The following COL17A1 variants were observed in gnomAD, a reference collection of about 807,000 sequenced individuals.
The protein encoded by COL17A1 is collagen alpha-1(XVII) chain.
Under a neutral mutation model 218.4 loss-of-function variants are expected in COL17A1, and 181 were observed. The observed-to-expected ratio is 0.83, with a 90% CI of 0.73 to 0.94. COL17A1 has a LOEUF of 0.94. Among genes scored for constraint, COL17A1 ranks in the 40% least tolerant of loss-of-function variants. COL17A1 has a pLI of 0.00. For synonymous variants in COL17A1, 721 were observed against 731.0 expected (o/e 0.99, Z 0.22); for missense variants, 1,924 against 1,945.9 (o/e 0.99, Z 0.21).
chr10:104,041,369 C>A lies in COL17A1; in HGVS notation c.2606-25G>T, dbSNP rs770685896. 10 of 1,608,556 alleles carry A rather than the reference C, an allele frequency of 6.2e-6. No homozygotes were observed. In the East Asian group the frequency reaches 2.0e-4, roughly 32 times the overall value. The stretch of plus-strand genomic sequence containing the variant: ...CCTGCAGAAGAGAGCAAGGAAGAGG[C>A]CATGCTGAGCTCAGGGAGCTGATGC... On this transcript the variant is annotated intron_variant, in intron 37 of 55. Transcript: ENST00000648076.
chr10:104,058,133 G>C lies in COL17A1; in HGVS notation c.1267+13C>G. ...TGGATCCTGTCACTGCAGGGTTCGCGGTTCTCACCCACCTGCAGTGGTGGT... is the reference window on the plus strand; with the variant it reads ...TGGATCCTGTCACTGCAGGGTTCGCCGTTCTCACCCACCTGCAGTGGTGGT... On this transcript the variant is annotated intron_variant, in intron 16 of 55. Transcript: ENST00000648076. 6.2e-7 allele frequency: 1 copy of C among 1,613,968 alleles called. No homozygotes were observed. The highest frequency in any genetic ancestry group is 8.5e-7 in the Non-Finnish European group (1 of 1,179,938).
chr10:104,079,597 C>T (rs112810696), intron 2 of COL17A1, among the ~76,000 whole-genome samples: 6 of 152,278 alleles, frequency 3.9e-5, no homozygotes, highest in African/African-American at 1.2e-4. Flanking sequence ...CAAGAAGATG[C>T]GGTTATGGAC....
At chr10:104,032,549 C>T in intron 55 of COL17A1, 125 bp downstream of exon 55, 2 of 1,029,816 alleles carry the variant, frequency 1.9e-6, no homozygotes, top group Admixed American at 3.6e-5. Flanking sequence ...GCAGTGTCTG[C>T]CTGGAGTAAT....
At chr10:104,068,799 T>C (rs532804964) in intron 9 of COL17A1, among the ~76,000 whole-genome samples, 31 of 152,330 alleles carry the variant, frequency 2.0e-4, no homozygotes, top group African/African-American at 6.7e-4. Context: ...AGAAGTTAGA[T>C]TGTTTAGCCT....
rs2086534594 is a variant in COL17A1 at position 104,056,958 on chromosome 10, C to A, written c.1465+17G>T. 4 of 1,558,592 alleles carry A rather than the reference C, an allele frequency of 2.6e-6. No individual in the cohort carries two copies. The highest frequency in any genetic ancestry group is 1.2e-5 in the South Asian group (1 of 85,430). ...GCCTCCTACCACACAGGCTGCCCTG[C>A]TGCCTTTGCCACGTACCCAGAGCAA... On this transcript the variant is annotated intron_variant, in intron 17 of 55. Transcript: ENST00000648076.
chr10:104,039,069 A>G lies in COL17A1; in HGVS notation c.2947+2T>C, dbSNP rs2086331407. On this transcript the variant is annotated splice_donor_variant, in intron 44 of 55. Transcript: ENST00000648076. LOFTEE classifies it high-confidence loss of function. ...GGAACTTTGGTCACTTTCAGTTCTTACCTTCAGAAGGACCACTAGGAATGC... is the reference window on the plus strand; with the variant it reads ...GGAACTTTGGTCACTTTCAGTTCTTGCCTTCAGAAGGACCACTAGGAATGC... 1 of 1,614,024 alleles carries G rather than the reference A, an allele frequency of 6.2e-7. No individual in the cohort carries two copies. The highest frequency in any genetic ancestry group is 8.5e-7 in the Non-Finnish European group (1 of 1,179,916).
At chr10:104,043,429 A>C in intron 35 of COL17A1, 72 bp downstream of exon 35, 3 of 1,393,938 alleles carry the variant, frequency 2.2e-6, no homozygotes, top group Non-Finnish European at 3.0e-6. Flanking sequence ...TCAGGATCTG[A>C]AGAAATATGG....
intron 11 of COL17A1, among the ~76,000 whole-genome samples, chr10:104,063,258 T>C (rs1346952048): frequency 1.3e-5 from 2 of 152,202 alleles, no homozygotes; most frequent in African/African-American, 2.4e-5. Flanking sequence ...AGCAAATAAA[T>C]ATTTCTTTAA....
At position 104,051,502 on chromosome 10, in the gene COL17A1, G is replaced by C. The variant is rs757357056; in HGVS notation, c.2017C>G (p.Pro673Ala). Residue 673 changes from proline (P) to alanine (A), a missense_variant, in exon 25 of 56, where the codon CCT (proline) becomes GCT (alanine). Coordinates refer to ENST00000648076, the MANE Select transcript of COL17A1 (RefSeq NM_000494.4). ...TGACCTGGAGGGCCCTGTGGGCCAG[G>C]AGAGCCGCTGGAACCTGAGAAGGAG... ...SVGPKGSSGS[P>A]GPQGPPGPVG... 27 of 1,613,982 alleles carry C rather than the reference G, an allele frequency of 1.7e-5. No individual in the cohort carries two copies. In the East Asian group the frequency reaches 5.3e-4, roughly 32 times the overall value.
intron 9 of COL17A1, among the ~76,000 whole-genome samples, chr10:104,068,015 G>A (rs1414350918): frequency 6.6e-6 from 1 of 152,126 alleles, no homozygotes; most frequent in African/African-American, 2.4e-5. Flanking sequence ...GGGAGATGGG[G>A]AGACAAAGGT....
At chr10:104,045,612 T>C in intron 33 of COL17A1, 146 bp downstream of exon 33, 3 of 756,332 alleles carry the variant, frequency 4.0e-6, no homozygotes, top group Middle Eastern at 2.7e-4. Context: ...ATCCCTGGGC[T>C]CCCAGCCTCA....
At chr10:104,065,705 A>G (rs956148365) in intron 9 of COL17A1, among the ~76,000 whole-genome samples, 7 of 152,230 alleles carry the variant, frequency 4.6e-5, no homozygotes, top group Admixed American at 1.3e-4. Flanking sequence ...GGGCTGGGCT[A>G]TGCATATGGA....
At chr10:104,038,930 A>T in intron 44 of COL17A1, 141 bp downstream of exon 44, 1 of 984,158 alleles carries the variant, frequency 1.0e-6, no homozygotes, top group Non-Finnish European at 1.6e-6. Context: ...GGCAGCTCAT[A>T]GGTCCTAGCA....
Position 104,077,475 on chromosome 10 carries a change from CTCCCTCCA to C in COL17A1, c.141_148del (p.Gly48ProfsTer29). On this transcript the variant is annotated frameshift_variant, in exon 4 of 56. Transcript: ENST00000648076. LOFTEE classifies it high-confidence loss of function. ...AGTCAGGCTTTGTTTCTCCAGCCGG[CTCCCTCCA>C]CCAAGAGAGGCTGTTTTAGCATAGC... 1 of 1,613,602 alleles carries C rather than the reference CTCCCTCCA, an allele frequency of 6.2e-7. No homozygotes were observed. The highest frequency in any genetic ancestry group is 8.5e-7 in the Non-Finnish European group (1 of 1,179,902).
Position 104,032,080 on chromosome 10 carries a change from T to C in COL17A1, c.*155A>G. 1 of 681,276 alleles carries C rather than the reference T, an allele frequency of 1.5e-6. No individual in the cohort carries two copies. Among genetic ancestry groups the C allele is most frequent in the Non-Finnish European group, 2.7e-6 (1 of 374,752 alleles). 42.2% of individuals were successfully genotyped at this position (681,276 alleles called of 1,614,324 possible). Reference sequence around the variant, plus strand: ...TCTTTGACTGAATTCTATAAGTATATATTGTTCAGACTAAAACAAATGTTG... The same window carrying C: ...TCTTTGACTGAATTCTATAAGTATACATTGTTCAGACTAAAACAAATGTTG... On this transcript the variant is annotated 3_prime_UTR_variant, in exon 56 of 56. Transcript: ENST00000648076.
At position 104,062,329 on chromosome 10, in the gene COL17A1, A is replaced by G. The variant is rs1399328399; in HGVS notation, c.839T>C (p.Val280Ala). Residue 280 changes from valine (V) to alanine (A), a missense_variant and splice_region_variant, in exon 12 of 56, where the codon GTG (valine) becomes GCG (alanine). Coordinates refer to ENST00000648076, the MANE Select transcript of COL17A1 (RefSeq NM_000494.4). ...GGCCAGATTGTTCTGCATGCCAAAC[A>G]CTGTGAAAGCAACCAAGGTCAGGTG... Reference protein sequence around the residue: ...LHPGLSTSSSVFGMQNNLAPS... With the variant: ...LHPGLSTSSSAFGMQNNLAPS... 5 of 1,614,204 alleles carry G rather than the reference A, an allele frequency of 3.1e-6. No homozygotes were observed. The highest frequency in any genetic ancestry group is 4.5e-5 in the East Asian group (2 of 44,878).
chr10:104,043,420 C>T, intron 35 of COL17A1, 81 bp downstream of exon 35: 2 of 1,327,224 alleles, frequency 1.5e-6, no homozygotes. Flanking sequence ...CCCTGGGTTT[C>T]AGGATCTGAA....
chr10:104,033,011 T>A, intron 53 of COL17A1, 43 bp from the exon 54 acceptor site: 1 of 1,600,268 alleles, frequency 6.2e-7, no homozygotes, highest in Non-Finnish European at 8.5e-7. Context: ...CTTGATCACC[T>A]GGAAGCTTGG....
chr10:104,085,754 A>T lies in COL17A1; in HGVS notation c.-43T>A, dbSNP rs2086800397. ...TGAGGTTTTGAAGGAATTGGAAACAACTTTGAATAAATCCCCCTCTCTCTT... is the reference window on the plus strand; with the variant it reads ...TGAGGTTTTGAAGGAATTGGAAACATCTTTGAATAAATCCCCCTCTCTCTT... On this transcript the variant is annotated 5_prime_UTR_variant, in exon 1 of 56. The change creates a new upstream start codon in the 5' untranslated region. Coordinates refer to ENST00000648076, the MANE Select transcript of COL17A1 (RefSeq NM_000494.4). 1 of 152,658 alleles carries T rather than the reference A, an allele frequency of 6.6e-6. No homozygotes were observed. The allele number at this position is 152,658 out of a possible 1,614,324, so 9.5% of individuals were successfully genotyped here.
Sources: gnomAD v4.1 joint callset for allele counts (sites outside exome capture counted in the v4.1 genomes callset) on GRCh38, gnomAD v4.1.1 for gene constraint, MANE v1.5 for transcripts, NCBI Gene and HGNC (gene_info 2026-07-23, HGNC 2026-07-21) for gene names.